EXTL3: variants seen among roughly 807,000 people sequenced by gnomAD.
EXTL3 encodes exostosin like glycosyltransferase 3.
A neutral mutation model predicts 69.3 loss-of-function variants in EXTL3; 27 were observed. That is an observed-to-expected ratio of 0.39 (90% CI 0.29 to 0.54). The LOEUF (loss-of-function observed/expected upper bound fraction) is 0.54, where lower values mean the gene tolerates loss of function less well. EXTL3 is among the 20% of genes least tolerant of loss of function. EXTL3 has a pLI of 0.69. For synonymous variants in EXTL3, 511 were observed against 499.4 expected (o/e 1.02, Z -0.31); for missense variants, 1,003 against 1,231.8 (o/e 0.81, Z 2.78).
intron 1 of EXTL3, among the ~76,000 whole-genome samples, chr8:28,663,350 A>G (rs907425930): frequency 6.6e-6 from 1 of 152,234 alleles, no homozygotes; most frequent in Non-Finnish European, 1.5e-5. Context: ...GGGCTCAGGC[A>G]GATCAGTTGC....
intron 1 of EXTL3, among the ~76,000 whole-genome samples, chr8:28,707,346 G>T (rs1471059759): frequency 1.3e-5 from 2 of 152,192 alleles, no homozygotes; most frequent in Non-Finnish European, 2.9e-5. Context: ...CTGCTTCATC[G>T]GTGAAGTGGA....
upstream of EXTL3, chr8:28,700,997 T>C (rs1344409854): frequency 6.6e-6 from 1 of 152,304 alleles, no homozygotes; most frequent in Non-Finnish European, 1.5e-5. Context: ...CCCAGGATTT[T>C]CCTAAGCGTC....
At chr8:28,662,796 C>T (rs1016132080) in intron 1 of EXTL3, among the ~76,000 whole-genome samples, 1 of 152,090 alleles carries the variant, frequency 6.6e-6, no homozygotes, top group Non-Finnish European at 1.5e-5. Context: ...CCTGTGGTCC[C>T]AGCTACTGGG....
At chr8:28,698,845 T>A (rs1800726028), upstream of EXTL3, among the ~76,000 whole-genome samples, 1 of 152,030 alleles carries the variant, frequency 6.6e-6, no homozygotes, top group Non-Finnish European at 1.5e-5. Flanking sequence ...AATACAAAAA[T>A]TAGCTGGGCA....
intron 1 of EXTL3, among the ~76,000 whole-genome samples, chr8:28,675,923 G>A (rs182873345): frequency 9.3e-4 from 141 of 151,768 alleles, no homozygotes; most frequent in African/African-American, 3.1e-3. Context: ...TTGGGAGGCT[G>A]AGGCTGGAGA....
intron 1 of EXTL3, among the ~76,000 whole-genome samples, chr8:28,632,071 G>A (rs1374349832): frequency 4.7e-5 from 7 of 148,192 alleles, no homozygotes; most frequent in Non-Finnish European, 1.0e-4. Context: ...CCGGCCTGGC[G>A]ACAGAGTGAG....
chr8:28,717,803 C>G lies in EXTL3; in HGVS notation c.1744C>G (p.Pro582Ala), dbSNP rs753586923. 1.6e-5 allele frequency: 26 copies of G among 1,611,708 alleles called. No homozygotes were observed. The highest frequency in any genetic ancestry group is 2.2e-5 in the South Asian group (2 of 91,018). ...GGACCTGGGGCCAGTGGAGACGGAG[C>G]CGCCCTACGCCTCACCCAGATACCT... ...DLDLGPVETE[P>A]PYASPRYLRN... The change falls in exon 3 of 7, where the codon CCG (proline) becomes GCG (alanine). Residue 582 changes from proline to alanine, a missense_variant. Transcript: ENST00000220562. The surrounding 1 kb of genome is among the most constrained non-coding windows in gnomAD (Gnocchi z 8.3).
At chr8:28,747,880 C>T (rs1386025826) in intron 6 of EXTL3, among the ~76,000 whole-genome samples, 3 of 152,072 alleles carry the variant, frequency 2.0e-5, no homozygotes, top group South Asian at 4.2e-4. Context: ...AGGCATGTGT[C>T]GCCATGCCCA....
chr8:28,706,022 A>G (rs1714079934), intron 1 of EXTL3, among the ~76,000 whole-genome samples: 1 of 152,184 alleles, frequency 6.6e-6, no homozygotes, highest in South Asian at 2.1e-4. Flanking sequence ...TTGAATCTGT[A>G]TTTTTCCAGC....
chr8:28,705,002 C>T (rs372098963), intron 1 of EXTL3, among the ~76,000 whole-genome samples: 4 of 152,136 alleles, frequency 2.6e-5, no homozygotes, highest in Non-Finnish European at 4.4e-5. Flanking sequence ...ACAGTGGCTT[C>T]GAATGGAGAA....
At position 28,623,532 on chromosome 8, in the gene EXTL3, C is replaced by T. The variant is rs1806446522; in HGVS notation, c.-53+722C>T. Among the ~76,000 whole-genome samples the T allele has an allele frequency of 6.6e-6, 1 of 152,160 alleles. No homozygotes were observed. Among genetic ancestry groups the T allele is most frequent in the South Asian group, 2.1e-4 (1 of 4,822 alleles). On this transcript the variant is annotated intron_variant, in intron 1 of 6. Coordinates refer to the EXTL3 transcript ENST00000523149. The surrounding 1 kb of genome is among the most constrained non-coding windows in gnomAD (Gnocchi z 4.2). ...CTGGGTCACCCTGCAGGGCTCCATCCGTTCAGTCTCACCCCTTGGTAAGCA... is the reference window on the plus strand; with the variant it reads ...CTGGGTCACCCTGCAGGGCTCCATCTGTTCAGTCTCACCCCTTGGTAAGCA...
At position 28,670,219 on chromosome 8, in the gene EXTL3, A is replaced by AAAAAAAAAAAG. The variant is rs1563442510; in HGVS notation, c.-52-43238_-52-43237insAAAAAAAAAAG. Among the ~76,000 whole-genome samples the AAAAAAAAAAAG allele has an allele frequency of 2.7e-4, 40 of 148,296 alleles. 6 individuals carry two copies. The highest frequency in any genetic ancestry group is 4.7e-4 in the Admixed American group (7 of 14,836). On this transcript the variant is annotated intron_variant, in intron 1 of 6. Transcript: ENST00000523149. ...GTGAGACTCTGTCTCAAAAAAAAAA[A>AAAAAAAAAAAG]GGTTGGGGGGAGATGGGGGACTTTG...
chr8:28,666,561 C>T (rs1807200006), intron 1 of EXTL3, among the ~76,000 whole-genome samples: 1 of 151,938 alleles, frequency 6.6e-6, no homozygotes, highest in Non-Finnish European at 1.5e-5. Context: ...TTACGCCCAG[C>T]CACTCTTTTC....
chr8:28,708,831 C>T (rs189878024), intron 1 of EXTL3, among the ~76,000 whole-genome samples: 364 of 152,262 alleles, frequency 2.4e-3, no homozygotes, highest in Non-Finnish European at 3.7e-3. Context: ...ACTACAAGCA[C>T]AGATATACAG....
At chr8:28,683,049 T>C (rs1001434505) in intron 1 of EXTL3, among the ~76,000 whole-genome samples, 1 of 152,240 alleles carries the variant, frequency 6.6e-6, no homozygotes, top group Non-Finnish European at 1.5e-5. Flanking sequence ...TCAGTACTTT[T>C]GTGGAAGAGC....
At chr8:28,629,257 C>A (rs756324851) in intron 1 of EXTL3, among the ~76,000 whole-genome samples, 6 of 150,376 alleles carry the variant, frequency 4.0e-5, no homozygotes, top group African/African-American at 7.3e-5. Flanking sequence ...GCTTTTCAAG[C>A]AGAAAACAAA....
chr8:28,628,941 CAT>C lies in EXTL3; in HGVS notation c.-53+6133_-53+6134del, dbSNP rs1806533743. The stretch of plus-strand genomic sequence containing the variant: ...ACCAGGAAGATTAAAATGGGCATCT[CAT>C]AGATTCCAGCCCAAGGAAAGAATGC... On this transcript the variant is annotated intron_variant, in intron 1 of 6. Transcript: ENST00000523149. 2.6e-5 allele frequency among the ~76,000 whole-genome samples: 4 copies of C among 152,186 alleles called. No homozygotes were observed. In the South Asian group the frequency reaches 8.3e-4, roughly 32 times the overall value.
intron 1 of EXTL3, among the ~76,000 whole-genome samples, chr8:28,692,183 A>G (rs1370781443): frequency 6.6e-6 from 1 of 152,170 alleles, no homozygotes; most frequent in Non-Finnish European, 1.5e-5. Flanking sequence ...CATGAGGGTG[A>G]AATATCTAAC....
At chr8:28,713,293 GTC>G (rs1428700807) in intron 1 of EXTL3, among the ~76,000 whole-genome samples, 162 bp from the exon 2 acceptor site, 2 of 152,120 alleles carry the variant, frequency 1.3e-5, no homozygotes, top group African/African-American at 2.4e-5. Flanking sequence ...ACTTCAAAGA[GTC>G]TCTGTTTGGA....
Sources: gnomAD v4.1 joint callset for allele counts (sites outside exome capture counted in the v4.1 genomes callset) on GRCh38, gnomAD v4.1.1 for gene constraint, Gnocchi (gnomAD v3.1) non-coding constraint, MANE v1.5 for transcripts, NCBI Gene and HGNC (gene_info 2026-07-23, HGNC 2026-07-21) for gene names.